FAM13C: variants seen among roughly 807,000 people sequenced by gnomAD.
FAM13C encodes the protein family with sequence similarity 13 member C, also known as protein FAM13C.
A neutral mutation model predicts 73.2 loss-of-function variants in FAM13C; 37 were observed. The ratio of observed to expected loss-of-function variants is 0.51; its 90% CI spans 0.39 to 0.67. FAM13C has a LOEUF of 0.67. Among genes scored for constraint, FAM13C ranks in the 30% least tolerant of loss-of-function variants. The pLI, the probability that FAM13C is intolerant of heterozygous loss-of-function variation, is 0.00. For missense variants in FAM13C, 589 were observed against 715.6 expected (o/e 0.82, Z 2.02); for synonymous variants, 246 against 260.9 (o/e 0.94, Z 0.55).
At chr10:59,271,272 A>G (rs968510498) in intron 6 of FAM13C, among the ~76,000 whole-genome samples, 2 of 152,232 alleles carry the variant, frequency 1.3e-5, no homozygotes, top group Non-Finnish European at 2.9e-5. Flanking sequence ...ATAAACACTT[A>G]TCACAATTTG....
In FAM13C at chr10:59,270,416, G is replaced by C. The variant is rs953708435; in HGVS notation, c.593-307C>G. Reference sequence around the variant, plus strand: ...TTCACATTATTTGCATAAGTCAGAGGGTATATTACAAAATGTTAGAGCAAT... The same window carrying C: ...TTCACATTATTTGCATAAGTCAGAGCGTATATTACAAAATGTTAGAGCAAT... On this transcript the variant is annotated intron_variant, in intron 6 of 13. Coordinates refer to ENST00000618804, the MANE Select transcript of FAM13C (RefSeq NM_198215.4). 1.2e-5 allele frequency: 3 copies of C among 251,928 alleles called. No individual in the cohort carries two copies. In the East Asian group the frequency reaches 2.7e-4, roughly 23 times the overall value. The allele number at this position is 251,928 out of a possible 1,614,324, so 15.6% of individuals were successfully genotyped here.
intron 3 of FAM13C, among the ~76,000 whole-genome samples, chr10:59,337,882 G>C (rs1008251136): frequency 6.6e-6 from 1 of 151,650 alleles, no homozygotes; most frequent in African/African-American, 2.4e-5. Flanking sequence ...GTTTCACCAT[G>C]TTGGCCCGCC....
Position 59,336,699 on chromosome 10 carries a change from T to A in FAM13C, c.325-12593A>T, listed in dbSNP as rs1209958645. On this transcript the variant is annotated intron_variant, in intron 3 of 13. Transcript: ENST00000618804. ...TCCAAGTGCAAGAACAGAGTTCAGATGCTTGGCAGCCAAAATAGAATGACA... is the reference window on the plus strand; with the variant it reads ...TCCAAGTGCAAGAACAGAGTTCAGAAGCTTGGCAGCCAAAATAGAATGACA... Among the ~76,000 whole-genome samples, 3 of 152,266 alleles carry A rather than the reference T, an allele frequency of 2.0e-5. No individual in the cohort carries two copies. In the East Asian group the frequency reaches 5.8e-4, roughly 29 times the overall value.
intron 13 of FAM13C, among the ~76,000 whole-genome samples, chr10:59,248,170 A>G (rs546576089): frequency 3.9e-5 from 6 of 152,216 alleles, no homozygotes; most frequent in Non-Finnish European, 7.3e-5. Context: ...GAATTTCATT[A>G]TAAAAATAAC....
intron 5 of FAM13C, among the ~76,000 whole-genome samples, chr10:59,295,527 G>T (rs2133812187): frequency 6.6e-6 from 1 of 152,250 alleles, no homozygotes; most frequent in South Asian, 2.1e-4. Flanking sequence ...ACCTGAAGAA[G>T]CTGGGACGGG....
chr10:59,330,560 C>A (rs539554800), intron 3 of FAM13C, among the ~76,000 whole-genome samples: 21 of 152,234 alleles, frequency 1.4e-4, no homozygotes, highest in Admixed American at 1.2e-3. Context: ...TCATAAAAAC[C>A]TAGTCTTCTC....
rs190545812 is a variant in FAM13C, at chr10:59,263,892, A to G, written c.1024+193T>C. ...TCTGGAGGTCCTCAGTTTCTTTGTA[A>G]GGAGGTTTATTACATGGGGCCAAAC... On this transcript the variant is annotated intron_variant, in intron 9 of 13. Coordinates refer to ENST00000618804, the MANE Select transcript of FAM13C (RefSeq NM_198215.4). 463 of 571,582 alleles carry G rather than the reference A, an allele frequency of 8.1e-4. 3 individuals carry two copies. The highest frequency in any genetic ancestry group is 7.8e-3 in the African/African-American group (414 of 53,348). 35.4% of individuals were successfully genotyped at this position (571,582 alleles called of 1,614,324 possible). A position where few individuals can be genotyped will look rare whatever the true frequency, so the allele number is the denominator to read the frequency against.
chr10:59,323,209 C>G (rs1850569372), intron 4 of FAM13C: 2 of 152,302 alleles, frequency 1.3e-5, no homozygotes, highest in African/African-American at 4.8e-5. Flanking sequence ...CCTACAAAGA[C>G]AGCTGACACA....
At chr10:59,343,645 A>C (rs1428580472) in intron 3 of FAM13C, among the ~76,000 whole-genome samples, 2 of 152,240 alleles carry the variant, frequency 1.3e-5, no homozygotes, top group Non-Finnish European at 2.9e-5. Flanking sequence ...AGCTTGTAAT[A>C]GTTGGTGCAG....
intron 3 of FAM13C, among the ~76,000 whole-genome samples, chr10:59,351,796 C>A (rs1288042509): frequency 3.3e-5 from 5 of 152,142 alleles, no homozygotes; most frequent in Non-Finnish European, 7.3e-5. Context: ...GTGTTGGAGA[C>A]CAGCCTGGCC....
chr10:59,362,302 A>T (rs948487364), intron 1 of FAM13C, 97 bp downstream of exon 1: 1 of 1,519,106 alleles, frequency 6.6e-7, no homozygotes, highest in Non-Finnish European at 8.9e-7. Flanking sequence ...AATGCATCTA[A>T]AACGAACAGC....
At chr10:59,268,467 G>A (rs1012443169) in intron 8 of FAM13C, 86 bp downstream of exon 8, 4 of 1,554,434 alleles carry the variant, frequency 2.6e-6, no homozygotes, top group Middle Eastern at 1.8e-4. Context: ...GGCAAAGAAG[G>A]GCACCCAGAA....
intron 10 of FAM13C, among the ~76,000 whole-genome samples, chr10:59,261,844 A>G (rs1051601199): frequency 6.6e-6 from 1 of 152,180 alleles, no homozygotes; most frequent in East Asian, 1.9e-4. Flanking sequence ...TTTGTAAAAT[A>G]TAATAAATCT....
chr10:59,284,400 C>T (rs373209619), intron 5 of FAM13C, among the ~76,000 whole-genome samples: 2 of 152,104 alleles, frequency 1.3e-5, no homozygotes, highest in East Asian at 3.9e-4. Context: ...TCTGTCCTCC[C>T]AGCTCCAGCA....
chr10:59,254,016 G>T (rs1841674587), intron 11 of FAM13C: 1 of 306,242 alleles, frequency 3.3e-6, no homozygotes, highest in Non-Finnish European at 5.9e-6. Flanking sequence ...GAACAGAAAG[G>T]CTCTGTTTTG....
upstream of FAM13C, chr10:59,362,669 C>A: frequency 2.5e-6 from 3 of 1,206,842 alleles, no homozygotes; most frequent in Non-Finnish European, 3.3e-6. Flanking sequence ...CGCGAGGCTG[C>A]GGGGACAGAG....
intron 3 of FAM13C, among the ~76,000 whole-genome samples, chr10:59,330,121 C>T (rs1851776944): frequency 6.6e-6 from 1 of 152,164 alleles, no homozygotes; most frequent in Non-Finnish European, 1.5e-5. Context: ...CTTTGATATA[C>T]AGTTCTTGAT....
At chr10:59,296,820 C>A (rs1187071506) in intron 5 of FAM13C, 3 of 152,194 alleles carry the variant, frequency 2.0e-5, no homozygotes, top group African/African-American at 7.2e-5. Flanking sequence ...GTGATGAGGA[C>A]ACACACAAAT....
intron 6 of FAM13C, among the ~76,000 whole-genome samples, chr10:59,278,833 TAC>T (rs3078283): frequency 0.029 from 4,249 of 147,034 alleles, 182 homozygotes; most frequent in African/African-American, 0.09. Flanking sequence ...CACATACACA[TAC>T]ACACACACAC....
Sources: allele counts gnomAD v4.1 joint callset (sites outside exome capture counted in the v4.1 genomes callset), GRCh38; gene constraint gnomAD v4.1.1; transcripts MANE v1.5; gene names NCBI Gene and HGNC (gene_info 2026-07-23, HGNC 2026-07-21).